The following SGCZ variants were observed in gnomAD, a reference collection of about 807,000 sequenced individuals.
The protein encoded by SGCZ is sarcoglycan zeta.
SGCZ carries 40 observed loss-of-function variants against 41.3 expected under a neutral mutation model. That is an observed-to-expected ratio of 0.97 (90% CI 0.75 to 1.26). SGCZ has a LOEUF of 1.26. SGCZ is among the 50% of genes most tolerant of loss of function. SGCZ has a pLI of 0.00. For synonymous variants in SGCZ, 206 were observed against 137.5 expected (o/e 1.50, Z -3.49); for missense variants, 552 against 369.8 (o/e 1.49, Z -4.04).
intron 4 of SGCZ, among the ~76,000 whole-genome samples, chr8:14,180,157 A>T (rs1032973823): frequency 6.6e-6 from 1 of 152,218 alleles, no homozygotes; most frequent in Non-Finnish European, 1.5e-5. Flanking sequence ...CAATGCAACA[A>T]GTGGAGCCCA....
rs1167112993 is a variant in SGCZ, at chr8:15,166,243, CT to C, written c.39+71341del. ...AATGATGCTCAATCCTTTTTTTTTT[CT>C]TTTTTTTTTTTTTCTTTTTTTGAGA... On this transcript the variant is annotated intron_variant, in intron 1 of 7. Transcript: ENST00000382080. Among the ~76,000 whole-genome samples the C allele has an allele frequency of 4.6e-3, 593 of 129,262 alleles. 2 individuals carry two copies. The highest frequency in any genetic ancestry group is 0.014 in the African/African-American group (512 of 36,184). 84.8% of individuals were successfully genotyped at this position (129,262 alleles called of 152,430 possible).
intron 2 of SGCZ, among the ~76,000 whole-genome samples, chr8:14,416,910 G>A (rs769744291): frequency 2.0e-4 from 31 of 151,622 alleles, no homozygotes; most frequent in Non-Finnish European, 4.1e-4. Context: ...ATTATTATGA[G>A]GAAAAAAAGA....
At chr8:14,122,416 C>G (rs1447104153) in intron 5 of SGCZ, among the ~76,000 whole-genome samples, 2 of 152,106 alleles carry the variant, frequency 1.3e-5, no homozygotes, top group African/African-American at 4.8e-5. Flanking sequence ...AATTCAATTT[C>G]AAGGAATTTA....
At chr8:15,167,242 G>C (rs1269655459) in intron 1 of SGCZ, among the ~76,000 whole-genome samples, 2 of 152,224 alleles carry the variant, frequency 1.3e-5, no homozygotes, top group Non-Finnish European at 2.9e-5. Flanking sequence ...ATTGGAGAAA[G>C]TGATTATTTT....
At chr8:14,118,451 C>G (rs1195399368) in intron 5 of SGCZ, among the ~76,000 whole-genome samples, 2 of 152,032 alleles carry the variant, frequency 1.3e-5, no homozygotes, top group African/African-American at 4.8e-5. Context: ...TTTGTAGATT[C>G]TGGATATTAG....
chr8:14,215,657 C>A (rs939749431), intron 4 of SGCZ, among the ~76,000 whole-genome samples: 3 of 151,954 alleles, frequency 2.0e-5, no homozygotes, highest in Non-Finnish European at 4.4e-5. Context: ...AAGAAAGAGA[C>A]CATATCACTA....
intron 2 of SGCZ, among the ~76,000 whole-genome samples, chr8:14,415,727 A>G (rs1041998365): frequency 6.6e-6 from 1 of 152,034 alleles, no homozygotes; most frequent in East Asian, 1.9e-4. Flanking sequence ...AGTTGAGAAC[A>G]TATCTTGAAA....
chr8:14,381,749 G>A (rs1804374111), intron 2 of SGCZ, among the ~76,000 whole-genome samples: 1 of 151,550 alleles, frequency 6.6e-6, no homozygotes, highest in African/African-American at 2.4e-5. Flanking sequence ...TTGCGCCACT[G>A]CCTTCCAGCC....
intron 1 of SGCZ, among the ~76,000 whole-genome samples, chr8:15,045,043 A>C (rs951748428): frequency 6.6e-6 from 1 of 152,068 alleles, no homozygotes; most frequent in Non-Finnish European, 1.5e-5. Context: ...GATATCAGAT[A>C]TATAAGCCAT....
At chr8:15,177,989 C>T (rs1367687974) in intron 1 of SGCZ, among the ~76,000 whole-genome samples, 5 of 152,130 alleles carry the variant, frequency 3.3e-5, no homozygotes, top group Admixed American at 6.5e-5. Flanking sequence ...ATTTACCACT[C>T]ACCACTTCCT....
chr8:14,813,117 G>C (rs1035237649), intron 1 of SGCZ, among the ~76,000 whole-genome samples: 2 of 152,138 alleles, frequency 1.3e-5, no homozygotes, highest in Non-Finnish European at 2.9e-5. Flanking sequence ...ATGCATTGCA[G>C]ATACTGGGAG....
Position 14,664,993 on chromosome 8 carries a change from G to T in SGCZ, c.40-110067C>A, listed in dbSNP as rs78169859. Among the ~76,000 whole-genome samples, 68 of 152,172 alleles carry T rather than the reference G, an allele frequency of 4.5e-4. No individual in the cohort carries two copies. In the East Asian group the frequency reaches 0.01, roughly 23 times the overall value. Reference sequence around the variant, plus strand: ...TGAAATACCATTTGAATTTTTAGGTGGGGGAATAAATGGCATTAAAACTCT... The same window carrying T: ...TGAAATACCATTTGAATTTTTAGGTTGGGGAATAAATGGCATTAAAACTCT... On this transcript the variant is annotated intron_variant, in intron 1 of 7. Transcript: ENST00000382080.
chr8:14,737,533 G>A (rs1471200380), intron 1 of SGCZ, among the ~76,000 whole-genome samples: 1 of 151,996 alleles, frequency 6.6e-6, no homozygotes, highest in Non-Finnish European at 1.5e-5. Context: ...TAACAAAATG[G>A]CACTGAGTGT....
At chr8:14,240,352 A>AATAAATAAAT (rs1798832924) in intron 3 of SGCZ, among the ~76,000 whole-genome samples, 12 of 99,808 alleles carry the variant, frequency 1.2e-4, no homozygotes, top group African/African-American at 4.0e-4. Flanking sequence ...AAAAAAAAAA[A>AATAAATAAAT]AAAGAACTGA....
chr8:14,731,726 AT>A (rs1327287435), intron 1 of SGCZ, among the ~76,000 whole-genome samples: 1 of 151,902 alleles, frequency 6.6e-6, no homozygotes, highest in African/African-American at 2.4e-5. Context: ...ACATATTTTA[AT>A]TTTTGTTCAT....
chr8:14,215,116 C>T (rs1479198472), intron 4 of SGCZ, among the ~76,000 whole-genome samples: 1 of 152,034 alleles, frequency 6.6e-6, no homozygotes, highest in Non-Finnish European at 1.5e-5. Flanking sequence ...ACTTCCTGGT[C>T]CTAACAAGAA....
intron 2 of SGCZ, among the ~76,000 whole-genome samples, chr8:14,465,702 C>G (rs148693177): frequency 1.3e-5 from 2 of 151,674 alleles, no homozygotes; most frequent in African/African-American, 2.4e-5. Flanking sequence ...TTATATTTAA[C>G]ATCTTAAAGT....
chr8:14,801,198 G>A (rs550484222), intron 1 of SGCZ, among the ~76,000 whole-genome samples: 8 of 152,258 alleles, frequency 5.3e-5, no homozygotes, highest in African/African-American at 1.7e-4. Flanking sequence ...GTGTGTGTAT[G>A]TGTACACAAA....
chr8:14,525,765 A>C lies in SGCZ; in HGVS notation c.234+28967T>G, dbSNP rs376278228. 5.4e-4 allele frequency among the ~76,000 whole-genome samples: 82 copies of C among 152,278 alleles called. No individual in the cohort carries two copies. In the East Asian group the frequency reaches 9.9e-3, roughly 18 times the overall value. ...AGATCAATCACTGTTAAATTACAAT[A>C]AACTTTAAGAGAGGTAGCAGGTTGT... On this transcript the variant is annotated intron_variant, in intron 2 of 7. Transcript: ENST00000382080.
Sources: allele counts gnomAD v4.1 joint callset (sites outside exome capture counted in the v4.1 genomes callset), GRCh38; gene constraint gnomAD v4.1.1; transcripts MANE v1.5; gene names NCBI Gene and HGNC (gene_info 2026-07-23, HGNC 2026-07-21).